CDK14: variants seen among roughly 807,000 people sequenced by gnomAD.
The protein encoded by CDK14 is cyclin dependent kinase 14, also known as cyclin-dependent kinase 14.
A neutral mutation model predicts 60.7 loss-of-function variants in CDK14; 34 were observed. That is an observed-to-expected ratio of 0.56 (90% CI 0.43 to 0.75). The LOEUF (loss-of-function observed/expected upper bound fraction) is 0.75. Among genes scored for constraint, CDK14 ranks in the 30% least tolerant of loss-of-function variants. The pLI is 0.00. For missense variants in CDK14, 482 were observed against 564.1 expected (o/e 0.85, Z 1.47); for synonymous variants, 197 against 203.7 (o/e 0.97, Z 0.28).
chr7:91,076,154 G>A (rs1209980086), intron 11 of CDK14, among the ~76,000 whole-genome samples: 4 of 141,604 alleles, frequency 2.8e-5, no homozygotes, highest in Non-Finnish European at 6.0e-5. Flanking sequence ...AAAAGAGCCT[G>A]TATAGCCAAG....
rs1282285085 is a variant in CDK14, at chr7:91,177,547, A to G, written c.*29-29618A>G. Among the ~76,000 whole-genome samples, 19 of 152,188 alleles carry G rather than the reference A, an allele frequency of 1.2e-4. No homozygotes were observed. In the East Asian group the frequency reaches 3.7e-3, roughly 29 times the overall value. On this transcript the variant is annotated intron_variant, in intron 14 of 14. Coordinates refer to ENST00000380050, the MANE Select transcript of CDK14 (RefSeq NM_001287135.2). ...CCCTGTTTGCAGACGACATGATTGT[A>G]TATCTAGAAAACCCCATTGTCTCAG...
chr7:91,208,540 C>A lies in CDK14; in HGVS notation c.*1404C>A, dbSNP rs75278656. Reference sequence around the variant, plus strand: ...TACACACAAATTCCTATGGAAATACCTTTGTGTACAGTGTCTTACATTTTC... The same window carrying A: ...TACACACAAATTCCTATGGAAATACATTTGTGTACAGTGTCTTACATTTTC... On this transcript the variant is annotated 3_prime_UTR_variant, in exon 15 of 15. Transcript: ENST00000380050. The A allele has an allele frequency of 0.017, 2,606 of 152,328 alleles. 37 individuals are homozygous for A. The highest frequency in any genetic ancestry group is 0.07 in the East Asian group (362 of 5,178). 9.4% of individuals were successfully genotyped at this position (152,328 alleles called of 1,614,324 possible).
rs74375544 is a variant in CDK14, at chr7:90,961,771, T to G, written c.947+5954T>G. On this transcript the variant is annotated intron_variant, in intron 9 of 14. Transcript: ENST00000380050. ...AGAAGGGCATCCAGGAGATTGAAGC[T>G]GATGGTTTCTAAGCCCACTCTCACT... is the stretch of plus-strand genomic sequence containing the variant. Among the ~76,000 whole-genome samples the G allele has an allele frequency of 1.1e-3, 175 of 152,326 alleles. 1 individual carries two copies. The highest frequency in any genetic ancestry group is 1.8e-3 in the Non-Finnish European group (124 of 68,018).
intron 2 of CDK14, among the ~76,000 whole-genome samples, chr7:90,693,546 A>C (rs1282661663): frequency 6.6e-6 from 1 of 152,168 alleles, no homozygotes; most frequent in Admixed American, 6.6e-5. Flanking sequence ...CTTCCAGGAA[A>C]AGCTTGTTCA....
At chr7:90,651,058 T>C (rs929734792) in intron 2 of CDK14, among the ~76,000 whole-genome samples, 2 of 152,196 alleles carry the variant, frequency 1.3e-5, no homozygotes, top group Non-Finnish European at 2.9e-5. Flanking sequence ...AGTATGGCCA[T>C]TTTCACAATA....
chr7:91,057,244 G>T (rs1402573209), intron 11 of CDK14, among the ~76,000 whole-genome samples: 6 of 152,152 alleles, frequency 3.9e-5, no homozygotes, highest in Non-Finnish European at 7.4e-5. Flanking sequence ...TCGCCCACTT[G>T]TTGATGGGGT....
intron 11 of CDK14, among the ~76,000 whole-genome samples, chr7:91,057,434 C>A (rs1337555397): frequency 6.6e-6 from 1 of 151,918 alleles, no homozygotes; most frequent in African/African-American, 2.4e-5. Context: ...TCAATTTTGG[C>A]TTTTGTTGCC....
chr7:90,627,011 C>T (rs1393513736), intron 2 of CDK14, among the ~76,000 whole-genome samples: 2 of 151,814 alleles, frequency 1.3e-5, no homozygotes, highest in Non-Finnish European at 2.9e-5. Flanking sequence ...GTAAAAGAAA[C>T]AGATAACTTT....
chr7:90,977,519 GAC>G (rs1294127073), intron 9 of CDK14, among the ~76,000 whole-genome samples: 7 of 152,190 alleles, frequency 4.6e-5, no homozygotes, highest in African/African-American at 1.7e-4. Flanking sequence ...ACTCAGATAA[GAC>G]AAATATGTTT....
intron 2 of CDK14, among the ~76,000 whole-genome samples, chr7:90,622,923 C>CTTTTTTTTTTTTTT (rs1245736325): frequency 1.5e-5 from 2 of 130,308 alleles, no homozygotes; most frequent in African/African-American, 2.9e-5. Flanking sequence ...CTTTTTTTTT[C>CTTTTTTTTTTTTTT]TTTTTTTTTT....
At chr7:90,816,056 T>C (rs1789341247) in intron 5 of CDK14, among the ~76,000 whole-genome samples, 2 of 152,062 alleles carry the variant, frequency 1.3e-5, no homozygotes, top group Admixed American at 1.3e-4. Flanking sequence ...GCATGTTCTA[T>C]ACATGTATCC....
chr7:90,612,265 T>C (rs1241880473), intron 2 of CDK14, among the ~76,000 whole-genome samples: 1 of 152,180 alleles, frequency 6.6e-6, no homozygotes, highest in Non-Finnish European at 1.5e-5. Context: ...ATCTTATTCC[T>C]CCACTCAGCC....
chr7:90,843,932 A>G, intron 5 of CDK14, among the ~76,000 whole-genome samples: 1 of 152,326 alleles, frequency 6.6e-6, no homozygotes, highest in Non-Finnish European at 1.5e-5. Flanking sequence ...CCATTTATAT[A>G]GCATCTTTAA....
At chr7:90,672,243 T>C (rs912212790) in intron 2 of CDK14, among the ~76,000 whole-genome samples, 2 of 152,190 alleles carry the variant, frequency 1.3e-5, no homozygotes, top group Non-Finnish European at 2.9e-5. Flanking sequence ...ATTCACAGGG[T>C]TGTAAAACCA....
At chr7:91,176,611 A>T (rs1378718968) in intron 14 of CDK14, among the ~76,000 whole-genome samples, 1 of 152,190 alleles carries the variant, frequency 6.6e-6, no homozygotes, top group Non-Finnish European at 1.5e-5. Flanking sequence ...ACACAATAAA[A>T]AATGATAAAG....
chr7:90,908,326 G>A (rs1034039282), intron 7 of CDK14, among the ~76,000 whole-genome samples: 1 of 152,044 alleles, frequency 6.6e-6, no homozygotes, highest in African/African-American at 2.4e-5. Flanking sequence ...AGGATCATCC[G>A]CTGATTTGTT....
chr7:90,826,345 A>T (rs956814047), intron 5 of CDK14, among the ~76,000 whole-genome samples: 15 of 151,980 alleles, frequency 9.9e-5, no homozygotes, highest in African/African-American at 3.6e-4. Context: ...CAGCCTTGTG[A>T]GTAGCTGGGA....
At chr7:91,205,046 C>G (rs932529828) in intron 14 of CDK14, among the ~76,000 whole-genome samples, 2 of 151,660 alleles carry the variant, frequency 1.3e-5, no homozygotes, top group Non-Finnish European at 2.9e-5. Flanking sequence ...TTTAAACAAA[C>G]AAATGTTTTG....
At chr7:90,941,015 T>C (rs1311617060) in intron 8 of CDK14, among the ~76,000 whole-genome samples, 1 of 152,174 alleles carries the variant, frequency 6.6e-6, no homozygotes, top group Non-Finnish European at 1.5e-5. Context: ...CAATCAGACA[T>C]GGCCTCTGCC....
Sources: allele counts gnomAD v4.1 joint callset (sites outside exome capture counted in the v4.1 genomes callset), GRCh38; gene constraint gnomAD v4.1.1; transcripts MANE v1.5; gene names NCBI Gene and HGNC (gene_info 2026-07-23, HGNC 2026-07-21).